KIRREL3: variants seen among roughly 807,000 people sequenced by gnomAD.
KIRREL3 encodes kin of IRRE-like protein 3.
KIRREL3 carries 36 observed loss-of-function variants against 89.7 expected under a neutral mutation model. The ratio of observed to expected loss-of-function variants is 0.40; its 90% CI spans 0.31 to 0.53. The LOEUF (loss-of-function observed/expected upper bound fraction) is 0.53. Among genes scored for constraint, KIRREL3 ranks in the 20% least tolerant of loss-of-function variants. The pLI, the probability that KIRREL3 is intolerant of heterozygous loss-of-function variation, is 0.49. For synonymous variants in KIRREL3, 445 were observed against 441.4 expected (o/e 1.01, Z -0.10); for missense variants, 864 against 1,056.6 (o/e 0.82, Z 2.53).
Position 126,642,735 on chromosome 11 carries a change from T to C in KIRREL3, c.56-79823A>G, listed in dbSNP as rs1944517526. Among the ~76,000 whole-genome samples the C allele has an allele frequency of 6.6e-6, 1 of 152,132 alleles. No individual in the cohort carries two copies. The highest frequency in any genetic ancestry group is 6.5e-5 in the Admixed American group (1 of 15,276). ...GGGGTAGGCTAGAACCAGAGTCACA[T>C]AAGAACAGCCTTCTGGAGGCAGGGG... On this transcript the variant is annotated intron_variant, in intron 1 of 16. Transcript: ENST00000525144. This position sits in a 1 kb window ranked among gnomAD's most constrained non-coding sequence, Gnocchi z 4.9.
At position 126,562,386 on chromosome 11, in the gene KIRREL3, G is replaced by T. The variant is rs1940192259; in HGVS notation, c.133+449C>A. On this transcript the variant is annotated intron_variant, in intron 2 of 16. Transcript: ENST00000525144. The surrounding 1 kb of genome is among the most constrained non-coding windows in gnomAD (Gnocchi z 4.7). The stretch of plus-strand genomic sequence containing the variant: ...CTAGGGTAAGTTCTTTGGGAATAAA[G>T]ACATTGCCATATTCTTCTTTGGTAT... Among the ~76,000 whole-genome samples the T allele has an allele frequency of 6.6e-6, 1 of 152,172 alleles. No homozygotes were observed. The highest frequency in any genetic ancestry group is 6.5e-5 in the Admixed American group (1 of 15,280).
rs603421 is a variant in KIRREL3, at chr11:126,609,164, T to C, written c.56-46252A>G. Reference sequence around the variant, plus strand: ...CGCCCAGCCCAGGTTGGGTTTGTTTTCCCCGCTCTGAGACCGGACCTCAGG... The same window carrying C: ...CGCCCAGCCCAGGTTGGGTTTGTTTCCCCCGCTCTGAGACCGGACCTCAGG... On this transcript the variant is annotated intron_variant, in intron 1 of 16. Coordinates refer to ENST00000525144, the MANE Select transcript of KIRREL3 (RefSeq NM_032531.4). This position sits in a 1 kb window ranked among gnomAD's most constrained non-coding sequence, Gnocchi z 5.0. Among the ~76,000 whole-genome samples, 36,736 of 151,930 alleles carry C rather than the reference T, an allele frequency of 0.24. 4,664 individuals carry two copies. Among genetic ancestry groups the C allele is most frequent in the East Asian group, 0.41 (2,140 of 5,158 alleles).
chr11:126,933,519 GTCTT>G (rs1269407052), intron 1 of KIRREL3, among the ~76,000 whole-genome samples: 1 of 150,568 alleles, frequency 6.6e-6, no homozygotes, highest in African/African-American at 2.5e-5. Context: ...AAGGAAAACT[GTCTT>G]TATTTGTAGA....
intron 1 of KIRREL3, among the ~76,000 whole-genome samples, chr11:126,968,052 A>C (rs1371034698): frequency 6.6e-6 from 1 of 152,210 alleles, no homozygotes; most frequent in Non-Finnish European, 1.5e-5. Flanking sequence ...AACTTCATAG[A>C]CATTTGCAAA....
intron 2 of KIRREL3, among the ~76,000 whole-genome samples, chr11:126,554,777 G>C (rs1939574844): frequency 1.3e-5 from 2 of 152,136 alleles, no homozygotes; most frequent in South Asian, 4.1e-4. Context: ...GAAAACAGGT[G>C]ACTCAATTTT....
At chr11:126,926,057 C>A (rs185951176) in intron 1 of KIRREL3, among the ~76,000 whole-genome samples, 3 of 152,354 alleles carry the variant, frequency 2.0e-5, no homozygotes, top group Admixed American at 1.3e-4. Context: ...AACCACCACG[C>A]CCCTCTGCCT....
rs1948943838 is a variant in KIRREL3, at chr11:126,740,466, G to T, written c.56-177554C>A. ...CCAGACCAGCCTTTGGTGTCACTAG[G>T]TCCTCTGACTTGAGTGTGACACAAA... On this transcript the variant is annotated intron_variant, in intron 1 of 16. Coordinates refer to ENST00000525144, the MANE Select transcript of KIRREL3 (RefSeq NM_032531.4). The surrounding 1 kb of genome is among the most constrained non-coding windows in gnomAD (Gnocchi z 6.0). Among the ~76,000 whole-genome samples the T allele has an allele frequency of 6.6e-6, 1 of 152,114 alleles. No individual in the cohort carries two copies. The highest frequency in any genetic ancestry group is 1.5e-5 in the Non-Finnish European group (1 of 68,016).
At chr11:126,880,609 C>T (rs1272246192) in intron 1 of KIRREL3, among the ~76,000 whole-genome samples, 1 of 150,084 alleles carries the variant, frequency 6.7e-6, no homozygotes, top group Non-Finnish European at 1.5e-5. Flanking sequence ...TAACAATATC[C>T]TATTTTTCCT....
In KIRREL3 at chr11:126,966,564, A is replaced by G. The variant is rs78370064; in HGVS notation, c.55+33891T>C. Reference sequence around the variant, plus strand: ...GAACCGTGGTGTACTCTCGAAGGAGACCTAGGTGGTGTGCCTGACGTGTTA... The same window carrying G: ...GAACCGTGGTGTACTCTCGAAGGAGGCCTAGGTGGTGTGCCTGACGTGTTA... On this transcript the variant is annotated intron_variant, in intron 1 of 16. Transcript: ENST00000525144. Among the ~76,000 whole-genome samples, 8 of 152,100 alleles carry G rather than the reference A, an allele frequency of 5.3e-5. No homozygotes were observed. In the East Asian group the frequency reaches 1.5e-3, roughly 29 times the overall value.
At chr11:126,923,095 TCTTCTTCTC>T (rs1472148609) in intron 1 of KIRREL3, among the ~76,000 whole-genome samples, 3 of 115,600 alleles carry the variant, frequency 2.6e-5, no homozygotes, top group African/African-American at 4.1e-5. Flanking sequence ...ATCTTCTTCT[TCTTCTTCTC>T]CTTCTCCTTC....
chr11:126,435,399 G>A, intron 12 of KIRREL3, 96 bp from the exon 13 acceptor site: 2 of 1,254,222 alleles, frequency 1.6e-6, no homozygotes, highest in South Asian at 1.2e-5. Context: ...CTGGGTGAGG[G>A]GCTCCTTTCC....
chr11:126,680,417 C>A (rs1297770153), intron 1 of KIRREL3, among the ~76,000 whole-genome samples: 1 of 143,304 alleles, frequency 7.0e-6, no homozygotes, highest in South Asian at 2.2e-4. Flanking sequence ...TATATATATA[C>A]ACATAGCCAG....
At chr11:126,536,431 C>T (rs1298105357) in intron 2 of KIRREL3, among the ~76,000 whole-genome samples, 1 of 152,104 alleles carries the variant, frequency 6.6e-6, no homozygotes, top group Non-Finnish European at 1.5e-5. Context: ...TGTCCCAAGT[C>T]TATTGCTACC....
chr11:126,564,764 C>A lies in KIRREL3; in HGVS notation c.56-1852G>T, dbSNP rs927909754. 6.6e-6 allele frequency among the ~76,000 whole-genome samples: 1 copy of A among 152,142 alleles called. No homozygotes were observed. The highest frequency in any genetic ancestry group is 2.4e-5 in the African/African-American group (1 of 41,440). On this transcript the variant is annotated intron_variant, in intron 1 of 16. Coordinates refer to ENST00000525144, the MANE Select transcript of KIRREL3 (RefSeq NM_032531.4). The surrounding 1 kb of genome is among the most constrained non-coding windows in gnomAD (Gnocchi z 7.4). ...CTTTCTAACAACCACCTTCAAGAGG[C>A]AGGAATGCAGCCTTCCAGGAGGGGG...
rs1956487330 is a variant in KIRREL3, at chr11:126,459,819, T to C, written c.742+3338A>G. Among the ~76,000 whole-genome samples, 1 of 152,202 alleles carries C rather than the reference T, an allele frequency of 6.6e-6. No homozygotes were observed. The highest frequency in any genetic ancestry group is 1.5e-5 in the Non-Finnish European group (1 of 68,050). On this transcript the variant is annotated intron_variant, in intron 6 of 16. Transcript: ENST00000525144. The surrounding 1 kb of genome is among the most constrained non-coding windows in gnomAD (Gnocchi z 4.8). Reference sequence around the variant, plus strand: ...CATGACTCAGTGATTTTGTAGCACATTCATTTGAAACTTGGCAGCTGGACA... The same window carrying C: ...CATGACTCAGTGATTTTGTAGCACACTCATTTGAAACTTGGCAGCTGGACA...
At chr11:126,952,141 T>A (rs749759196) in intron 1 of KIRREL3, among the ~76,000 whole-genome samples, 4 of 152,236 alleles carry the variant, frequency 2.6e-5, no homozygotes, top group Non-Finnish European at 5.9e-5. Flanking sequence ...ATCCCAGCGC[T>A]TTGGGAGGCC....
At chr11:126,893,579 C>T (rs1946012661) in intron 1 of KIRREL3, among the ~76,000 whole-genome samples, 1 of 152,202 alleles carries the variant, frequency 6.6e-6, no homozygotes, top group Admixed American at 6.5e-5. Context: ...AAGTTTTAGA[C>T]TGTGGAATCA....
chr11:126,556,810 A>T (rs1269257846), intron 2 of KIRREL3, among the ~76,000 whole-genome samples: 1 of 152,170 alleles, frequency 6.6e-6, no homozygotes, highest in Admixed American at 6.5e-5. Flanking sequence ...TTGTTCCAAG[A>T]CACTGAGCGA....
At chr11:126,971,035 A>G (rs1949413986) in intron 1 of KIRREL3, among the ~76,000 whole-genome samples, 1 of 152,042 alleles carries the variant, frequency 6.6e-6, no homozygotes, top group Admixed American at 6.6e-5. Context: ...CCTTTTATTT[A>G]TTGTTCCCCA....
Sources: allele counts gnomAD v4.1 joint callset (sites outside exome capture counted in the v4.1 genomes callset), GRCh38; gene constraint gnomAD v4.1.1; non-coding constraint Gnocchi (gnomAD v3.1); transcripts MANE v1.5; gene names NCBI Gene and HGNC (gene_info 2026-07-23, HGNC 2026-07-21).